YLPM1: variants seen among roughly 807,000 people sequenced by gnomAD.
The protein encoded by YLPM1 is YLP motif containing 1.
A neutral mutation model predicts 230.0 loss-of-function variants in YLPM1; 99 were observed. The observed-to-expected ratio is 0.43, with a 90% CI of 0.37 to 0.51. YLPM1 has a LOEUF of 0.51. Among genes scored for constraint, YLPM1 ranks in the 20% least tolerant of loss-of-function variants. The pLI is 0.00. For missense variants in YLPM1, 2,592 were observed against 2,707.7 expected, an observed-to-expected ratio of 0.96 and a Z score of 0.95; for synonymous variants, 984 against 942.5, an observed-to-expected ratio of 1.04 and a Z score of -0.81.
intron 19 of YLPM1, 193 bp from the exon 20 acceptor site, chr14:74,835,066 AGGACTT>A: frequency 1.7e-6 from 1 of 588,178 alleles, no homozygotes; most frequent in Non-Finnish European, 2.9e-6. Context: ...TGGAATGGTT[AGGACTT>A]GGATTGTCCA....
At chr14:74,823,987 A>T in intron 17 of YLPM1, 1 of 351,064 alleles carries the variant, frequency 2.8e-6, no homozygotes, top group East Asian at 5.0e-5. Context: ...TCAGACTACA[A>T]TTGTGAGTCC....
rs1456170793 is a variant in YLPM1, at chr14:74,787,575, C to CA, written c.2282+5262dup. Among the ~76,000 whole-genome samples, 482 of 130,154 alleles carry CA rather than the reference C, an allele frequency of 3.7e-3. 1 individual carries two copies. The highest frequency in any genetic ancestry group is 5.9e-3 in the South Asian group (24 of 4,050). 85.4% of individuals were successfully genotyped at this position (130,154 alleles called of 152,430 possible). A position where few individuals can be genotyped will look rare whatever the true frequency, so the allele number is the denominator to read the frequency against. On this transcript the variant is annotated intron_variant, in intron 4 of 20. Transcript: ENST00000325680. ...ACAGAGCGAGAACGAGATTCCGTCT[C>CA]AAAAAAAAAAAAGAAACTAAACGCT...
At chr14:74,811,811 T>C in intron 10 of YLPM1, 73 bp downstream of exon 10, 1 of 1,091,280 alleles carries the variant, frequency 9.2e-7, no homozygotes, top group Non-Finnish European at 1.3e-6. Flanking sequence ...ATTGTAGCTA[T>C]GAATTTAAAC....
chr14:74,797,864 C>T lies in YLPM1; in HGVS notation c.2567C>T (p.Ala856Val). 1 of 1,613,972 alleles carries T rather than the reference C, an allele frequency of 6.2e-7. No individual in the cohort carries two copies. The highest frequency in any genetic ancestry group is 1.7e-5 in the Admixed American group (1 of 60,020). ...CATCAGCAGCAACCTAAGTCACAAG[C>T]AGAACCTCTTTCAGGAAACAAAGAA... is the stretch of plus-strand genomic sequence containing the variant. ...QQHQQQPKSQ[A>V]EPLSGNKEPL... is the part of the protein sequence containing the mutation. The change falls in exon 5 of 21, where the codon GCA (alanine) becomes GTA (valine). Residue 856 changes from alanine to valine, a missense_variant. This residue lies in a region of YLPM1 where 1,862 missense variants were observed against 1,819.8 expected (regional missense o/e 1.02). Transcript: ENST00000325680.
chr14:74,808,251 G>A (rs2091398253), intron 6 of YLPM1, among the ~76,000 whole-genome samples: 2 of 152,168 alleles, frequency 1.3e-5, no homozygotes, highest in Admixed American at 6.5e-5. Flanking sequence ...AGTCTTTTGT[G>A]TCTATCTTCT....
rs1180021550 is a variant in YLPM1, at chr14:74,778,640, C to T, written c.1067C>T (p.Pro356Leu). The T allele has an allele frequency of 3.1e-6, 5 of 1,587,750 alleles. No homozygotes were observed. The South Asian group carries it at 5.8e-5, about 18-fold the overall frequency. Reference protein sequence around the residue: ...PSSEEPPLPPPNEEVPPPLPP... With the variant: ...PSSEEPPLPPLNEEVPPPLPP... ...TCTGAGGAGCCCCCATTGCCACCTC[C>T]AAATGAGGAAGTGCCACCTCCTCTC... Residue 356 changes from proline (P) to leucine (L), a missense_variant, in exon 2 of 21, where the codon CCA becomes CTA. Pro to Leu is a moderately conservative substitution (Grantham distance 98). This residue lies in a region of YLPM1 where 1,862 missense variants were observed against 1,819.8 expected (regional missense o/e 1.02). Transcript: ENST00000325680.
chr14:74,770,659 A>G (rs1302563451), intron 1 of YLPM1, among the ~76,000 whole-genome samples: 3 of 152,124 alleles, frequency 2.0e-5, no homozygotes, highest in Non-Finnish European at 4.4e-5. Flanking sequence ...GAAATTAACC[A>G]GAAGTTAGAA....
chr14:74,790,622 A>G (rs1278254453), intron 4 of YLPM1, among the ~76,000 whole-genome samples: 9 of 152,204 alleles, frequency 5.9e-5, no homozygotes, highest in East Asian at 5.8e-4. Flanking sequence ...ACACTTAACT[A>G]TACAAATAAA....
intron 4 of YLPM1, among the ~76,000 whole-genome samples, chr14:74,790,588 G>C (rs932549761): frequency 1.5e-4 from 23 of 151,954 alleles, no homozygotes; most frequent in African/African-American, 5.6e-4. Flanking sequence ...CCTAGTTTTA[G>C]GGGTTTTTTA....
intron 4 of YLPM1, 106 bp from the exon 5 acceptor site, chr14:74,797,474 T>G: frequency 1.0e-6 from 1 of 952,522 alleles, no homozygotes; most frequent in South Asian, 2.3e-5. Context: ...AAAAGAGTCA[T>G]TGTTGTAAAC....
chr14:74,764,399 A>C (rs1239461753), intron 1 of YLPM1, 37 bp downstream of exon 1: 1 of 1,546,482 alleles, frequency 6.5e-7, no homozygotes, highest in Non-Finnish European at 8.7e-7. Context: ...TCTTTCACCT[A>C]GAGGGCCCTG....
intron 4 of YLPM1, among the ~76,000 whole-genome samples, chr14:74,796,561 A>AT (rs1160128276): frequency 6.6e-6 from 1 of 152,132 alleles, no homozygotes; most frequent in African/African-American, 2.4e-5. Flanking sequence ...TTATCTTTAT[A>AT]TTTTGTTGTA....
Position 74,763,934 on chromosome 14 carries a change from T to A in YLPM1, c.445T>A (p.Ser149Thr). 2.3e-6 allele frequency: 2 copies of A among 869,958 alleles called. No individual in the cohort carries two copies. Among genetic ancestry groups the A allele is most frequent in the Non-Finnish European group, 2.8e-6 (2 of 711,526 alleles). 53.9% of individuals were successfully genotyped at this position (869,958 alleles called of 1,614,324 possible). ...VPMELESPPE[S>T]PPVPPGSYMP... ...AATGGAGCTGGAATCCCCCCCTGAA[T>A]CTCCCCCTGTGCCGCCTGGGTCCTA... Residue 149 changes from serine to threonine, a missense_variant, in exon 1 of 21, where the codon TCT becomes ACT. Ser to Thr is a moderately conservative substitution (Grantham distance 58). Coordinates refer to ENST00000325680, the MANE Select transcript of YLPM1 (RefSeq NM_019589.3).
intron 5 of YLPM1, among the ~76,000 whole-genome samples, chr14:74,801,441 T>C (rs2091324023): frequency 6.6e-6 from 1 of 152,208 alleles, no homozygotes; most frequent in Non-Finnish European, 1.5e-5. Flanking sequence ...GGATTTTACC[T>C]ATGTTTAAGG....
chr14:74,778,935 G>A (rs2140084918), intron 2 of YLPM1, among the ~76,000 whole-genome samples: 1 of 152,234 alleles, frequency 6.6e-6, no homozygotes, highest in South Asian at 2.1e-4. Flanking sequence ...CTGCCTCCCA[G>A]GTTCAGGCAA....
chr14:74,767,274 T>C (rs2090921264), intron 1 of YLPM1, among the ~76,000 whole-genome samples: 2 of 152,352 alleles, frequency 1.3e-5, no homozygotes, highest in African/African-American at 4.8e-5. Context: ...AGATTTCCTT[T>C]ATTGTTTCAT....
intron 4 of YLPM1, 129 bp from the exon 5 acceptor site, chr14:74,797,451 A>T: frequency 1.3e-6 from 1 of 777,436 alleles, no homozygotes; most frequent in Non-Finnish European, 2.0e-6. Flanking sequence ...ACTCAGGATT[A>T]ATTTAATGAC....
chr14:74,773,163 C>T (rs1057057912), intron 1 of YLPM1, among the ~76,000 whole-genome samples: 2 of 152,220 alleles, frequency 1.3e-5, no homozygotes, highest in African/African-American at 4.8e-5. Context: ...TGGCGGGCGC[C>T]TGTAGTCCCA....
In YLPM1 at chr14:74,835,904, A is replaced by C; in HGVS notation, c.*166A>C. ...TTTTTTAAAGTTCTCCAGTGTCCCCAAGAGGTATTAGAATCTTGCTGTACC... is the reference window on the plus strand; with the variant it reads ...TTTTTTAAAGTTCTCCAGTGTCCCCCAGAGGTATTAGAATCTTGCTGTACC... On this transcript the variant is annotated 3_prime_UTR_variant, in exon 21 of 21. Coordinates refer to ENST00000325680, the MANE Select transcript of YLPM1 (RefSeq NM_019589.3). 1 of 456,160 alleles carries C rather than the reference A, an allele frequency of 2.2e-6. No homozygotes were observed. The highest frequency in any genetic ancestry group is 4.4e-6 in the Non-Finnish European group (1 of 226,700). The allele number at this position is 456,160 out of a possible 1,614,324, so 28.3% of individuals were successfully genotyped here. A position where few individuals can be genotyped will look rare whatever the true frequency, so the allele number is the denominator to read the frequency against.
Sources: gnomAD v4.1 joint callset for allele counts (sites outside exome capture counted in the v4.1 genomes callset) on GRCh38, gnomAD v4.1.1 for gene constraint, gnomAD v4.1.1 regional missense constraint, MANE v1.5 for transcripts, NCBI Gene and HGNC (gene_info 2026-07-23, HGNC 2026-07-21) for gene names.